KNL1: variants seen among roughly 807,000 people sequenced by gnomAD.
KNL1 encodes the protein outer kinetochore KNL1 complex subunit KNL1.
In KNL1, 66 loss-of-function variants were observed where a neutral mutation model predicts 201.3. The observed-to-expected ratio is 0.33, with a 90% CI of 0.27 to 0.40. KNL1 has a LOEUF of 0.40. Among genes scored for constraint, KNL1 ranks in the 10% least tolerant of loss-of-function variants. The pLI, the probability that KNL1 is intolerant of heterozygous loss-of-function variation, is 1.00. For synonymous variants in KNL1, 895 were observed against 899.2 expected, an observed-to-expected ratio of 1.00 and a Z score of 0.08; for missense variants, 2,815 against 2,690.5, an observed-to-expected ratio of 1.05 and a Z score of -1.02.
Position 40,645,778 on chromosome 15 carries a change from T to A in KNL1, c.6006+6T>A. 1 of 1,426,058 alleles carries A rather than the reference T, an allele frequency of 7.0e-7. No homozygotes were observed. The highest frequency in any genetic ancestry group is 1.4e-5 in the African/African-American group (1 of 70,062). 88.3% of individuals were successfully genotyped at this position (1,426,058 alleles called of 1,614,324 possible). ...AGCTGGTGCAGTCAGCTCAGGTAAT[T>A]TGAGACAGTTAATATCATAGAAAGA... On this transcript the variant is annotated splice_donor_region_variant and intron_variant, in intron 16 of 25. Transcript: ENST00000399668.
At chr15:40,635,318 CTG>C (rs1893024172) in intron 13 of KNL1, among the ~76,000 whole-genome samples, 1 of 151,914 alleles carries the variant, frequency 6.6e-6, no homozygotes, top group Non-Finnish European at 1.5e-5. Flanking sequence ...TCCCAAAGTG[CTG>C]GGATTACAGG....
chr15:40,648,829 CTT>C (rs35251316), intron 17 of KNL1, among the ~76,000 whole-genome samples: 102 of 103,242 alleles, frequency 9.9e-4, no homozygotes, highest in Non-Finnish European at 1.2e-3. Flanking sequence ...ACTTAACTTT[CTT>C]TTTTTTTTTT....
chr15:40,650,128 A>G, intron 17 of KNL1, 173 bp from the exon 18 acceptor site: 4 of 444,402 alleles, frequency 9.0e-6, no homozygotes, highest in Non-Finnish European at 1.2e-5. Context: ...TTTCACAGAA[A>G]AAAAAAAAAA....
rs1382368782 is a variant in KNL1, at chr15:40,652,070, C to T, written c.6380C>T (p.Thr2127Met). The change falls in exon 21 of 26, where the codon ACG (threonine) becomes ATG (methionine). Residue 2127 changes from threonine (T) to methionine (M), a missense_variant. Physicochemically the swap from Thr to Met is moderately conservative, Grantham distance 81. Transcript: ENST00000399668. ...GCTGTATTCACCTTTGTTTATGACACGATACAACTCACCATCACCTTTGAA... is the reference window on the plus strand; with the variant it reads ...GCTGTATTCACCTTTGTTTATGACATGATACAACTCACCATCACCTTTGAA... ...DQAVFTFVYD[T>M]IQLTITFEES... is the part of the protein sequence containing the mutation. 3.1e-6 allele frequency: 5 copies of T among 1,613,358 alleles called. No individual in the cohort carries two copies. The highest frequency in any genetic ancestry group is 4.2e-6 in the Non-Finnish European group (5 of 1,179,570).
chr15:40,622,363 A>G lies in KNL1; in HGVS notation c.2099A>G (p.Lys700Arg). The G allele has an allele frequency of 6.2e-7, 1 of 1,613,984 alleles. No individual in the cohort carries two copies. Among genetic ancestry groups the G allele is most frequent in the Non-Finnish European group, 8.5e-7 (1 of 1,179,916 alleles). Residue 700 changes from lysine to arginine, a missense_variant, in exon 10 of 26, where the codon AAG (lysine) becomes AGG (arginine). By Grantham distance (26) the Lys-to-Arg change is conservative. Transcript: ENST00000399668. The part of the protein sequence containing the change: ...SWEQSLFSTT[K>R]PLFSSGQFSM... ...GAACAATCTTTGTTTTCTACCACAA[A>G]GCCATTATTTTCATCAGGACAGTTC...
At chr15:40,608,570 A>G (rs1213094244) in intron 4 of KNL1, among the ~76,000 whole-genome samples, 1 of 151,914 alleles carries the variant, frequency 6.6e-6, no homozygotes, top group Admixed American at 6.6e-5. Flanking sequence ...ACATGGAGAA[A>G]CCCCATCCCT....
intron 7 of KNL1, among the ~76,000 whole-genome samples, chr15:40,614,779 T>G (rs1240196047): frequency 6.6e-6 from 1 of 152,230 alleles, no homozygotes; most frequent in African/African-American, 2.4e-5. Flanking sequence ...TCCCTATTGA[T>G]GGACACTTGA....
intron 16 of KNL1, 128 bp from the exon 17 acceptor site, chr15:40,646,856 CAAA>C (rs146834597): frequency 0.031 from 5,895 of 188,758 alleles, no homozygotes; most frequent in Middle Eastern, 0.045. Context: ...GACTCCGCCT[CAAA>C]AAAAAAAAAA....
intron 17 of KNL1, among the ~76,000 whole-genome samples, chr15:40,648,812 A>G (rs921707915): frequency 6.7e-6 from 1 of 149,930 alleles, no homozygotes; most frequent in Non-Finnish European, 1.5e-5. Flanking sequence ...TTTATTATAA[A>G]GTCCAAACTT....
intron 21 of KNL1, among the ~76,000 whole-genome samples, chr15:40,652,453 TTC>T (rs1250672943): frequency 4.2e-5 from 3 of 70,804 alleles, no homozygotes; most frequent in Admixed American, 3.6e-4. Context: ...TGGCTGGAGA[TTC>T]TTTTTTTTTT....
In KNL1 at chr15:40,663,133, C is replaced by T. The variant is rs1199943640; in HGVS notation, c.*945C>T. ...GGAGTGCAGTGGCATGATCTCAGCTCACTGCAAGCTCCGCCTCCTGGGTTC... is the reference window on the plus strand; with the variant it reads ...GGAGTGCAGTGGCATGATCTCAGCTTACTGCAAGCTCCGCCTCCTGGGTTC... On this transcript the variant is annotated 3_prime_UTR_variant, in exon 26 of 26. Transcript: ENST00000399668. 5.1e-5 allele frequency: 8 copies of T among 157,564 alleles called. No individual in the cohort carries two copies. The East Asian group carries it at 1.3e-3, about 25-fold the overall frequency. 9.8% of individuals were successfully genotyped at this position (157,564 alleles called of 1,614,324 possible).
intron 1 of KNL1, among the ~76,000 whole-genome samples, chr15:40,595,724 A>G (rs758414415): frequency 6.6e-6 from 1 of 152,324 alleles, no homozygotes; most frequent in East Asian, 1.9e-4. Flanking sequence ...ACATGGGACT[A>G]TGGAGCACTT....
intron 7 of KNL1, among the ~76,000 whole-genome samples, chr15:40,613,173 A>G (rs1892227403): frequency 6.6e-6 from 1 of 152,216 alleles, no homozygotes; most frequent in African/African-American, 2.4e-5. Flanking sequence ...TCTAAGCTAT[A>G]TTACTTAAGA....
At position 40,623,201 on chromosome 15, in the gene KNL1, A is replaced by G. The variant is rs754184634; in HGVS notation, c.2937A>G (p.Gln979=). ...ACAGACCTAACTTTGAACTATCCCA[A>G]AGGAAAAGCCTAGGAACACCAACAG... ...RTDRPNFELS[Q]RKSLGTPTVI... The change falls in exon 10 of 26, where the codon CAA becomes CAG. Residue 979 remains glutamine, a synonymous_variant. Coordinates refer to ENST00000399668, the MANE Select transcript of KNL1 (RefSeq NM_144508.5). The G allele has an allele frequency of 6.2e-7, 1 of 1,614,028 alleles. No homozygotes were observed. Among genetic ancestry groups the G allele is most frequent in the East Asian group, 2.2e-5 (1 of 44,876 alleles).
At chr15:40,619,951 A>G (rs774890723) in intron 9 of KNL1, among the ~76,000 whole-genome samples, 2 of 152,044 alleles carry the variant, frequency 1.3e-5, no homozygotes, top group African/African-American at 4.8e-5. Context: ...TTCCTAATAG[A>G]TTGGGTATTA....
Position 40,623,754 on chromosome 15 carries a change from C to G in KNL1, c.3490C>G (p.Leu1164Val), listed in dbSNP as rs58614880. The change falls in exon 10 of 26, where the codon CTG (leucine) becomes GTG (valine). Residue 1164 changes from leucine to valine, a missense_variant. This residue lies in a region of KNL1 where 2,464 missense variants were observed against 2,291.7 expected (regional missense o/e 1.08). Transcript: ENST00000399668. Reference sequence around the variant, plus strand: ...ATTGTTCACAGATAATTACAGTGATCTGGAAGTCACCGATTCCCATACTGT... The same window carrying G: ...ATTGTTCACAGATAATTACAGTGATGTGGAAGTCACCGATTCCCATACTGT... ...TVLFTDNYSD[L>V]EVTDSHTVFI... 998 of 1,613,946 alleles carry G rather than the reference C, an allele frequency of 6.2e-4. 4 individuals carry two copies. In the African/African-American group the frequency reaches 0.012, roughly 19 times the overall value.
chr15:40,645,061 A>G lies in KNL1; in HGVS notation c.5863A>G (p.Lys1955Glu). Residue 1955 changes from lysine to glutamate, a missense_variant, in exon 15 of 26, where the codon AAA becomes GAA. Coordinates refer to ENST00000399668, the MANE Select transcript of KNL1 (RefSeq NM_144508.5). ...TGATATAAATAAGAACCTGTGGGAA[A>G]AAATGAGACACTGCTCTGACAAAGA... ...LVDINKNLWE[K>E]MRHCSDKELK... 2.5e-6 allele frequency: 4 copies of G among 1,611,552 alleles called. No homozygotes were observed. The highest frequency in any genetic ancestry group is 2.5e-6 in the Non-Finnish European group (3 of 1,178,302).
chr15:40,611,978 G>A (rs1029467948), intron 7 of KNL1, among the ~76,000 whole-genome samples: 1 of 151,998 alleles, frequency 6.6e-6, no homozygotes, highest in Non-Finnish European at 1.5e-5. Flanking sequence ...TCAGGAGTTC[G>A]AGACCAGCCT....
In KNL1 at chr15:40,645,693, C is replaced by A; in HGVS notation, c.5927C>A (p.Ser1976Ter). ...AFGIYLNKIK[S>*]CFTKMTKVFT... ...GGAATTTATCTTAACAAAATAAAGT[C>A]ATGTTTTACCAAGATGACTAAAGTC... The change falls in exon 16 of 26, where the codon TCA becomes TAA. Residue 1976 changes from serine (S) to a stop codon, truncating the protein, a stop_gained. Coordinates refer to ENST00000399668, the MANE Select transcript of KNL1 (RefSeq NM_144508.5). LOFTEE classifies it high-confidence loss of function. 1.2e-6 allele frequency: 2 copies of A among 1,609,026 alleles called. No individual in the cohort carries two copies. Among genetic ancestry groups the A allele is most frequent in the South Asian group, 2.2e-5 (2 of 89,918 alleles).
Sources: allele counts gnomAD v4.1 joint callset (sites outside exome capture counted in the v4.1 genomes callset), GRCh38; gene constraint gnomAD v4.1.1; regional missense constraint gnomAD v4.1.1; transcripts MANE v1.5; gene names NCBI Gene and HGNC (gene_info 2026-07-23, HGNC 2026-07-21).